The following POLE2 variants were observed in gnomAD, a reference collection of about 807,000 sequenced individuals.
POLE2 encodes the protein DNA polymerase epsilon subunit 2.
A neutral mutation model predicts 79.4 loss-of-function variants in POLE2; 56 were observed. The observed-to-expected ratio is 0.71, with a 90% CI of 0.57 to 0.88. The LOEUF (loss-of-function observed/expected upper bound fraction) is 0.88. POLE2 is among the 40% of genes least tolerant of loss of function. The pLI, the probability that POLE2 is intolerant of heterozygous loss-of-function variation, is 0.00. For missense variants in POLE2, 598 were observed against 638.9 expected (o/e 0.94, Z 0.69); for synonymous variants, 212 against 214.0 (o/e 0.99, Z 0.08).
intron 10 of POLE2, among the ~76,000 whole-genome samples, chr14:49,661,340 T>A (rs1034694807): frequency 6.6e-6 from 1 of 152,214 alleles, no homozygotes; most frequent in Non-Finnish European, 1.5e-5. Flanking sequence ...TAACTGATAT[T>A]GTTATTGTTC....
At chr14:49,679,912 T>G (rs1188858075) in intron 2 of POLE2, 112 bp from the exon 3 acceptor site, 3 of 624,740 alleles carry the variant, frequency 4.8e-6, no homozygotes, top group Non-Finnish European at 8.7e-6. Context: ...GAGATTCTCA[T>G]TATACAGTTT....
At chr14:49,654,882 C>T in intron 12 of POLE2, 44 bp from the exon 13 acceptor site, 1 of 1,450,792 alleles carries the variant, frequency 6.9e-7, no homozygotes, top group South Asian at 1.5e-5. Flanking sequence ...CATATAATGC[C>T]ATAAAATTAT....
intron 5 of POLE2, among the ~76,000 whole-genome samples, chr14:49,673,755 T>G (rs1886058769): frequency 6.6e-6 from 1 of 152,188 alleles, no homozygotes; most frequent in South Asian, 2.1e-4. Flanking sequence ...ATGGGCAAAT[T>G]ACTAAACTTC....
chr14:49,671,166 T>C (rs1282409360), intron 5 of POLE2, among the ~76,000 whole-genome samples: 1 of 152,122 alleles, frequency 6.6e-6, no homozygotes, highest in African/African-American at 2.4e-5. Context: ...CTTCAAAACA[T>C]ACTTAAGAAA....
intron 2 of POLE2, among the ~76,000 whole-genome samples, chr14:49,681,628 G>T (rs1237736040): frequency 6.6e-6 from 1 of 152,052 alleles, no homozygotes; most frequent in Non-Finnish European, 1.5e-5. Context: ...ATAAAAATTA[G>T]CCTGGTGTGG....
intron 18 of POLE2, among the ~76,000 whole-genome samples, chr14:49,645,059 C>CAAAAAAAAA (rs1285927328): frequency 1.5e-5 from 2 of 130,864 alleles, no homozygotes; most frequent in Admixed American, 8.3e-5. Context: ...AAAAAAAAAA[C>CAAAAAAAAA]ACTGCAGTAA....
At chr14:49,679,190 CA>C (rs150313007) in intron 3 of POLE2, among the ~76,000 whole-genome samples, 6,719 of 152,132 alleles carry the variant, frequency 0.044, 483 homozygotes, top group African/African-American at 0.15. Flanking sequence ...TAAATGCCAT[CA>C]ATTTGTATAG....
chr14:49,656,350 G>A (rs1321820947), intron 10 of POLE2, among the ~76,000 whole-genome samples: 5 of 130,664 alleles, frequency 3.8e-5, no homozygotes, highest in Admixed American at 1.7e-4. Context: ...TGAGACTCTT[G>A]TCTCAAAAAA....
intron 17 of POLE2, among the ~76,000 whole-genome samples, chr14:49,649,207 C>T (rs1214323603): frequency 4.7e-5 from 6 of 127,914 alleles, no homozygotes; most frequent in African/African-American, 3.1e-5. Context: ...AGTGCAGTGG[C>T]GCGATCTTGG....
At chr14:49,668,108 C>A (rs562797492) in intron 6 of POLE2, among the ~76,000 whole-genome samples, 3 of 150,302 alleles carry the variant, frequency 2.0e-5, no homozygotes, top group African/African-American at 7.3e-5. Context: ...CCCATCTCTA[C>A]TAAAAATACA....
At chr14:49,651,953 G>A (rs1266346545) in intron 15 of POLE2, among the ~76,000 whole-genome samples, 3 of 152,098 alleles carry the variant, frequency 2.0e-5, no homozygotes, top group African/African-American at 7.2e-5. Flanking sequence ...GGAGGCTAGT[G>A]TGGCTGGAGT....
intron 1 of POLE2, among the ~76,000 whole-genome samples, chr14:49,684,391 G>C (rs1048865285): frequency 6.6e-6 from 1 of 151,662 alleles, no homozygotes; most frequent in Admixed American, 6.6e-5. Context: ...CGTGAACCCG[G>C]GAGGCAGAGC....
chr14:49,677,849 G>A (rs1886396939), intron 3 of POLE2: 1 of 442,394 alleles, frequency 2.3e-6, no homozygotes. Flanking sequence ...TCAGCTGGAG[G>A]TACTGCAGCC....
intron 17 of POLE2, among the ~76,000 whole-genome samples, chr14:49,648,345 A>C (rs1028323772): frequency 6.6e-6 from 1 of 152,238 alleles, no homozygotes; most frequent in African/African-American, 2.4e-5. Context: ...ATAAGGTAAA[A>C]AAGATATAAT....
In POLE2 at chr14:49,669,301, T is replaced by C. The variant is rs988114806; in HGVS notation, c.492+223A>G. Among the ~76,000 whole-genome samples the C allele has an allele frequency of 2.0e-5, 3 of 152,188 alleles. No individual in the cohort carries two copies. In the East Asian group the frequency reaches 5.8e-4, roughly 29 times the overall value. On this transcript the variant is annotated intron_variant, in intron 6 of 18. Transcript: ENST00000216367. Reference sequence around the variant, plus strand: ...GGCCAGAGTGTATCTGGGGCTAGCATCGTATCAGGGCCTTCTCAAAGGAAG... The same window carrying C: ...GGCCAGAGTGTATCTGGGGCTAGCACCGTATCAGGGCCTTCTCAAAGGAAG...
chr14:49,654,697 G>A (rs1483913370), intron 13 of POLE2, 87 bp downstream of exon 13: 5 of 1,390,638 alleles, frequency 3.6e-6, no homozygotes, highest in Middle Eastern at 2.0e-4. Flanking sequence ...CCTTAGTTTT[G>A]TAATAATTGC....
At chr14:49,686,220 G>A (rs985633015) in intron 1 of POLE2, among the ~76,000 whole-genome samples, 19 of 152,004 alleles carry the variant, frequency 1.2e-4, no homozygotes, top group African/African-American at 4.4e-4. Context: ...TATAGCAAAA[G>A]GGATAGAATA....
At chr14:49,684,840 G>A (rs1295503141) in intron 1 of POLE2, among the ~76,000 whole-genome samples, 4 of 152,058 alleles carry the variant, frequency 2.6e-5, no homozygotes, top group African/African-American at 4.8e-5. Context: ...AGCCAGGCAT[G>A]GTGGCGGGCG....
intron 16 of POLE2, 62 bp from the exon 17 acceptor site, chr14:49,650,503 CAAAT>C: frequency 3.8e-6 from 4 of 1,050,742 alleles, no homozygotes; most frequent in Non-Finnish European, 5.1e-6. Context: ...AATAGCTAAA[CAAAT>C]AATTTCAAAT....
Sources: allele counts gnomAD v4.1 joint callset (sites outside exome capture counted in the v4.1 genomes callset), GRCh38; gene constraint gnomAD v4.1.1; transcripts MANE v1.5; gene names NCBI Gene and HGNC (gene_info 2026-07-23, HGNC 2026-07-21).